Variants in ADAMTSL5 observed in about 807,000 individuals in gnomAD.
The protein encoded by ADAMTSL5 is ADAMTS-like protein 5.
In ADAMTSL5, 53 loss-of-function variants were observed where a neutral mutation model predicts 51.7. The ratio of observed to expected loss-of-function variants is 1.03; its 90% CI spans 0.82 to 1.29. ADAMTSL5 has a LOEUF of 1.29. ADAMTSL5 is among the 50% of genes most tolerant of loss of function. The probability of loss-of-function intolerance (pLI) is 0.00; values close to 1 mark genes in which losing one functional copy is unlikely to be tolerated. For synonymous variants in ADAMTSL5, 285 were observed against 278.7 expected, an observed-to-expected ratio of 1.02 and a Z score of -0.23; for missense variants, 770 against 676.2, an observed-to-expected ratio of 1.14 and a Z score of -1.54.
Position 1,510,661 on chromosome 19 carries a change from C to CGG in ADAMTSL5, c.168_169insCC (p.Val57ProfsTer154). The CGG allele has an allele frequency of 6.5e-7, 1 of 1,539,946 alleles. No individual in the cohort carries two copies. The highest frequency in any genetic ancestry group is 2.0e-5 in the Admixed American group (1 of 50,352). Reference sequence around the variant, plus strand: ...CACCGGAGGCAGCGCCGGCTGCGCACAGAGACGCCACGCCCGCAGGAGCTG... The same window carrying CGG: ...CACCGGAGGCAGCGCCGGCTGCGCACGGAGAGACGCCACGCCCGCAGGAGCTG... On this transcript the variant is annotated frameshift_variant, in exon 3 of 12. Coordinates refer to ENST00000330475, the MANE Select transcript of ADAMTSL5 (RefSeq NM_213604.3). LOFTEE classifies it high-confidence loss of function.
Position 1,509,351 on chromosome 19 carries a change from A to AG in ADAMTSL5, c.362-782dup, listed in dbSNP as rs530117715. On this transcript the variant is annotated intron_variant, in intron 5 of 11. Transcript: ENST00000330475. ...TGTTTGTCCAGTACTGACTGGACTG[A>AG]GTCCCGCACAACTGAGCTGTGTCGC... Among the ~76,000 whole-genome samples the AG allele has an allele frequency of 3.3e-5, 5 of 151,450 alleles. No homozygotes were observed. The South Asian group carries it at 8.4e-4, about 25-fold the overall frequency.
chr19:1,508,465 A>G lies in ADAMTSL5; in HGVS notation c.467T>C (p.Val156Ala). The stretch of plus-strand genomic sequence containing the variant: ...TACAAGGCAGCGGCCAGCCACGCAG[A>G]CCCCCTGGGCACCCGGGCTGCAGGC... ...GTACSPGAQG[V>A]CVAGRCLSAG... is the part of the protein sequence containing the mutation. The change falls in exon 6 of 12, where the codon GTC becomes GCC. Residue 156 changes from valine (V) to alanine (A), a missense_variant. Val to Ala is a moderately conservative substitution (Grantham distance 64, BLOSUM62 0). Coordinates refer to ENST00000330475, the MANE Select transcript of ADAMTSL5 (RefSeq NM_213604.3). 2 of 1,573,060 alleles carry G rather than the reference A, an allele frequency of 1.3e-6. No individual in the cohort carries two copies. The highest frequency in any genetic ancestry group is 1.7e-6 in the Non-Finnish European group (2 of 1,166,220).
At position 1,507,558 on chromosome 19, in the gene ADAMTSL5, C is replaced by T. The variant is rs200393666; in HGVS notation, c.687G>A (p.Leu229=). 5.9e-5 allele frequency: 95 copies of T among 1,613,516 alleles called. No homozygotes were observed. Among genetic ancestry groups the T allele is most frequent in the Middle Eastern group, 4.9e-4 (3 of 6,062 alleles). The change falls in exon 8 of 12, where the codon CTG becomes CTA. Residue 229 remains leucine (L), a splice_region_variant and synonymous_variant. Transcript: ENST00000330475. ...CTCTCGCCTCACATCCTAGGATACCCAGGTGGTTGCGGCTCCTGTGTTCCA... is the reference window on the plus strand; with the variant it reads ...CTCTCGCCTCACATCCTAGGATACCTAGGTGGTTGCGGCTCCTGTGTTCCA... ...IRVEHRSRNH[L]ALMGGDGRYV...
At chr19:1,510,094 A>T in intron 5 of ADAMTSL5, 56 bp downstream of exon 5, 1 of 1,392,354 alleles carries the variant, frequency 7.2e-7, no homozygotes, top group Middle Eastern at 1.8e-4. Context: ...TCTCCCTGAG[A>T]CTAATGAGTT....
intron 3 of ADAMTSL5, 102 bp from the exon 4 acceptor site, chr19:1,510,530 C>G: frequency 6.7e-7 from 1 of 1,498,502 alleles, no homozygotes; most frequent in Non-Finnish European, 9.0e-7. Context: ...CCAGCGGGAT[C>G]AGGGGGATTA....
chr19:1,507,010 C>T, intron 9 of ADAMTSL5, 82 bp from the exon 10 acceptor site: 2 of 1,418,078 alleles, frequency 1.4e-6, no homozygotes, highest in South Asian at 2.6e-5. Context: ...CCCAGCCTCC[C>T]CACTTTGATC....
intron 1 of ADAMTSL5, among the ~76,000 whole-genome samples, chr19:1,511,970 T>G (rs1326601900): frequency 6.6e-6 from 1 of 152,150 alleles, no homozygotes; most frequent in African/African-American, 2.4e-5. Flanking sequence ...CTGCTGAGGC[T>G]GGAGCAGGGA....
intron 7 of ADAMTSL5, 26 bp from the exon 8 acceptor site, chr19:1,507,669 G>T: frequency 6.2e-7 from 1 of 1,604,000 alleles, no homozygotes; most frequent in Non-Finnish European, 8.5e-7. Context: ...GGAGGGTGTT[G>T]GGGTGCCAGT....
chr19:1,511,151 A>G lies in ADAMTSL5; in HGVS notation c.-208T>C, dbSNP rs565463247. On this transcript the variant is annotated 5_prime_UTR_variant, in exon 2 of 12. The change abolishes the stop of an existing upstream ORF in the 5' untranslated region. Coordinates refer to ENST00000330475, the MANE Select transcript of ADAMTSL5 (RefSeq NM_213604.3). ...AGCCCGGTATGGAGAGGAAGAACTC[A>G]GAATGTCATCTGCAATTATTATTGT... The G allele has an allele frequency of 1.0e-4, 40 of 396,198 alleles. No individual in the cohort carries two copies. The highest frequency in any genetic ancestry group is 1.0e-3 in the Admixed American group (23 of 22,872). 24.5% of individuals were successfully genotyped at this position (396,198 alleles called of 1,614,324 possible).
intron 1 of ADAMTSL5, chr19:1,511,527 C>T (rs1341409588): frequency 1.8e-5 from 22 of 1,191,416 alleles, no homozygotes; most frequent in Non-Finnish European, 2.0e-5. Flanking sequence ...GGTGCTTAAT[C>T]GATGCTTGAT....
rs1444862742 is a variant in ADAMTSL5 at position 1,510,927 on chromosome 19, AGAGGGGCC to A, written c.9_16del (p.Ala4ValfsTer71). 1 of 1,453,986 alleles carries A rather than the reference AGAGGGGCC, an allele frequency of 6.9e-7. No homozygotes were observed. The highest frequency in any genetic ancestry group is 1.5e-5 in the African/African-American group (1 of 67,050). 90.1% of individuals were successfully genotyped at this position (1,453,986 alleles called of 1,614,324 possible). On this transcript the variant is annotated frameshift_variant, in exon 2 of 12. Transcript: ENST00000330475. LOFTEE classifies it high-confidence loss of function. ...CTGGAAGAGGTGGGGCCTGGGGAAC[AGAGGGGCC>A]GAGTCCATAGAGCCACCGCCAGAGA...
intron 9 of ADAMTSL5, 59 bp downstream of exon 9, chr19:1,507,183 A>G: frequency 7.0e-7 from 1 of 1,425,192 alleles, no homozygotes; most frequent in East Asian, 2.6e-5. Flanking sequence ...CTCTGTCCCC[A>G]GCCTCTCCCC....
Position 1,510,677 on chromosome 19 carries a change from G to A in ADAMTSL5, c.153C>T (p.Cys51=), listed in dbSNP as rs773027636. 22 of 1,541,910 alleles carry A rather than the reference G, an allele frequency of 1.4e-5. No homozygotes were observed. Among genetic ancestry groups the A allele is most frequent in the South Asian group, 6.0e-5 (5 of 83,372 alleles). The change falls in exon 3 of 12, where the codon TGC becomes TGT. Residue 51 remains cysteine, a synonymous_variant. Coordinates refer to ENST00000330475, the MANE Select transcript of ADAMTSL5 (RefSeq NM_213604.3). ...WVSWTRCSSS[C]GRGVSVRSRR... is the part of the protein sequence containing the mutation. ...GGCTGCGCACAGAGACGCCACGCCC[G>A]CAGGAGCTGGAGCAGCGGGTCCAGG...
At chr19:1,510,046 C>G in intron 5 of ADAMTSL5, 104 bp downstream of exon 5, 1 of 891,350 alleles carries the variant, frequency 1.1e-6, no homozygotes, top group South Asian at 1.8e-5. Context: ...AAAGCCCTAG[C>G]ACTAATACCC....
At position 1,505,997 on chromosome 19, in the gene ADAMTSL5, C is replaced by CGGGGCTCCTGCA. The variant is rs1912896730; in HGVS notation, c.*6_*17dup. On this transcript the variant is annotated 3_prime_UTR_variant, in exon 12 of 12. Transcript: ENST00000330475. ...ATGTATCTTTCTTGCTGTGTGTGGC[C>CGGGGCTCCTGCA]GGGGCTCCTGCAGGGGCTCAGCCAG... 6.6e-7 allele frequency: 1 copy of CGGGGCTCCTGCA among 1,524,218 alleles called. No individual in the cohort carries two copies. Among genetic ancestry groups the CGGGGCTCCTGCA allele is most frequent in the South Asian group, 1.3e-5 (1 of 79,918 alleles). The allele number at this position is 1,524,218 out of a possible 1,614,324, so 94.4% of individuals were successfully genotyped here. A position where few individuals can be genotyped will look rare whatever the true frequency, so the allele number is the denominator to read the frequency against.
chr19:1,510,121 T>C (rs1201845767), intron 5 of ADAMTSL5, 29 bp downstream of exon 5: 1 of 1,566,134 alleles, frequency 6.4e-7, no homozygotes. Context: ...TCTGGACCAA[T>C]TCTGACCACA....
rs747254887 is a variant in ADAMTSL5 at position 1,505,098 on chromosome 19, T to C, written c.*917A>G. 2 of 152,040 alleles carry C rather than the reference T, an allele frequency of 1.3e-5. No individual in the cohort carries two copies. Among genetic ancestry groups the C allele is most frequent in the Non-Finnish European group, 2.9e-5 (2 of 68,024 alleles). The allele number at this position is 152,040 out of a possible 1,614,324, so 9.4% of individuals were successfully genotyped here. On this transcript the variant is annotated 3_prime_UTR_variant, in exon 12 of 12. Transcript: ENST00000330475. ...AAAGGGGGGTGAACAGCCAGTACGATAGTGCATGCCTGAAATTCCAGTGCT... is the reference window on the plus strand; with the variant it reads ...AAAGGGGGGTGAACAGCCAGTACGACAGTGCATGCCTGAAATTCCAGTGCT...
At chr19:1,510,786 C>A in intron 2 of ADAMTSL5, 56 bp from the exon 3 acceptor site, 1 of 1,525,074 alleles carries the variant, frequency 6.6e-7, no homozygotes. Context: ...GGTGACCCCA[C>A]ACTGCTGACT....
At chr19:1,512,093 G>GC (rs1568246008) in intron 1 of ADAMTSL5, among the ~76,000 whole-genome samples, 1 of 129,578 alleles carries the variant, frequency 7.7e-6, no homozygotes, top group African/African-American at 4.9e-5. Context: ...CAGGGGGAAA[G>GC]AGGGGGGAAG....
Sources: gnomAD v4.1 joint callset for allele counts (sites outside exome capture counted in the v4.1 genomes callset) on GRCh38, gnomAD v4.1.1 for gene constraint, MANE v1.5 for transcripts, NCBI Gene and HGNC (gene_info 2026-07-23, HGNC 2026-07-21) for gene names.